PPP2R3A: variants seen among roughly 807,000 people sequenced by gnomAD.
PPP2R3A encodes the protein protein phosphatase 2 regulatory subunit B''alpha.
PPP2R3A carries 80 observed loss-of-function variants against 106.9 expected under a neutral mutation model. The ratio of observed to expected loss-of-function variants is 0.75; its 90% CI spans 0.62 to 0.90. The LOEUF (loss-of-function observed/expected upper bound fraction) is 0.90. PPP2R3A is among the 40% of genes least tolerant of loss of function. The pLI is 0.00. For missense variants in PPP2R3A, 1,386 were observed against 1,350.4 expected, an observed-to-expected ratio of 1.03 and a Z score of -0.41; for synonymous variants, 483 against 468.3, an observed-to-expected ratio of 1.03 and a Z score of -0.41.
At chr3:136,036,120 A>T (rs1339691118) in intron 3 of PPP2R3A, among the ~76,000 whole-genome samples, 1 of 150,956 alleles carries the variant, frequency 6.6e-6, no homozygotes, top group African/African-American at 2.4e-5. Flanking sequence ...TTTTCCCTTC[A>T]CTTGTATCAT....
intron 1 of PPP2R3A, among the ~76,000 whole-genome samples, chr3:135,967,749 T>C (rs1249446719): frequency 6.6e-6 from 1 of 152,120 alleles, no homozygotes; most frequent in Non-Finnish European, 1.5e-5. Context: ...AAAACAGATA[T>C]TTAAAAATCA....
intron 5 of PPP2R3A, among the ~76,000 whole-genome samples, chr3:136,054,427 T>G (rs1017997292): frequency 6.6e-6 from 1 of 151,988 alleles, no homozygotes; most frequent in Non-Finnish European, 1.5e-5. Flanking sequence ...CCCAGCTAAT[T>G]TTTGTATTAT....
At chr3:136,093,518 G>C (rs985002449) in intron 10 of PPP2R3A, among the ~76,000 whole-genome samples, 3 of 152,138 alleles carry the variant, frequency 2.0e-5, no homozygotes, top group Non-Finnish European at 4.4e-5. Context: ...ATATGATAAG[G>C]AACTTGTATC....
At chr3:136,071,961 A>G (rs911733006) in intron 6 of PPP2R3A, among the ~76,000 whole-genome samples, 1 of 151,992 alleles carries the variant, frequency 6.6e-6, no homozygotes, top group South Asian at 2.1e-4. Flanking sequence ...TTATTTAGTG[A>G]GGCCCTCCCT....
intron 1 of PPP2R3A, among the ~76,000 whole-genome samples, chr3:135,982,284 C>T (rs1387790177): frequency 6.6e-6 from 1 of 152,156 alleles, no homozygotes; most frequent in African/African-American, 2.4e-5. Flanking sequence ...TGTGCATCTA[C>T]TGGGTCATCG....
intron 5 of PPP2R3A, among the ~76,000 whole-genome samples, chr3:136,051,817 A>G (rs970887868): frequency 2.6e-5 from 4 of 152,172 alleles, no homozygotes; most frequent in South Asian, 2.1e-4. Context: ...CCACCCAACA[A>G]TAACCACTAC....
chr3:135,968,604 T>A (rs896079506), intron 1 of PPP2R3A, among the ~76,000 whole-genome samples: 2 of 152,008 alleles, frequency 1.3e-5, no homozygotes, highest in Non-Finnish European at 2.9e-5. Flanking sequence ...AGTCCAACAC[T>A]CTCATCAGAA....
chr3:136,147,676 G>T lies in PPP2R3A; in HGVS notation c.*2510G>T, dbSNP rs982388643. 2.6e-5 allele frequency: 4 copies of T among 152,362 alleles called. No homozygotes were observed. Among genetic ancestry groups the T allele is most frequent in the Non-Finnish European group, 2.9e-5 (2 of 68,026 alleles). The allele number at this position is 152,362 out of a possible 1,614,324, so 9.4% of individuals were successfully genotyped here. ...CCTTAATGCTAATTCAATGAGAAAT[G>T]AGTTTAATAGCATAACATTACCAAG... On this transcript the variant is annotated 3_prime_UTR_variant, in exon 14 of 14. Coordinates refer to ENST00000264977, the MANE Select transcript of PPP2R3A (RefSeq NM_002718.5).
chr3:135,972,049 G>T (rs1201561640), intron 1 of PPP2R3A, among the ~76,000 whole-genome samples: 1 of 152,124 alleles, frequency 6.6e-6, no homozygotes, highest in South Asian at 2.1e-4. Flanking sequence ...TCACAATGTT[G>T]TGCAGCCATC....
intron 4 of PPP2R3A, among the ~76,000 whole-genome samples, chr3:136,047,899 C>T (rs562839041): frequency 1.3e-5 from 2 of 149,690 alleles, no homozygotes; most frequent in Admixed American, 6.6e-5. Context: ...AGCGAGACTC[C>T]GTCTCAAAAA....
chr3:136,106,628 A>T, intron 13 of PPP2R3A: 1 of 297,040 alleles, frequency 3.4e-6, no homozygotes, highest in South Asian at 3.5e-5. Context: ...AGGCTAAAAG[A>T]ACTAAAGCTC....
intron 1 of PPP2R3A, among the ~76,000 whole-genome samples, chr3:135,995,514 G>GCACGAT (rs1933357050): frequency 6.8e-6 from 1 of 146,020 alleles, no homozygotes; most frequent in Non-Finnish European, 1.5e-5. Flanking sequence ...GAGTGCAATG[G>GCACGAT]CACGATCTCG....
chr3:136,010,575 C>G (rs1440759693), intron 2 of PPP2R3A, among the ~76,000 whole-genome samples: 1 of 151,404 alleles, frequency 6.6e-6, no homozygotes, highest in Non-Finnish European at 1.5e-5. Flanking sequence ...TACAGGCGCC[C>G]GCCACTACGC....
intron 12 of PPP2R3A, among the ~76,000 whole-genome samples, chr3:136,104,526 G>A (rs778832945): frequency 1.6e-4 from 24 of 152,064 alleles, no homozygotes; most frequent in Non-Finnish European, 2.8e-4. Context: ...GGCTGGTCTC[G>A]AACTCCCGAC....
intron 3 of PPP2R3A, among the ~76,000 whole-genome samples, chr3:136,027,943 T>C (rs1386055685): frequency 6.6e-6 from 1 of 152,186 alleles, no homozygotes; most frequent in Non-Finnish European, 1.5e-5. Flanking sequence ...TTCCCCTGCT[T>C]TCAGGAGTAA....
intron 2 of PPP2R3A, among the ~76,000 whole-genome samples, chr3:136,025,755 A>G (rs1488919223): frequency 6.6e-6 from 1 of 152,100 alleles, no homozygotes; most frequent in Non-Finnish European, 1.5e-5. Context: ...ATACCTATAC[A>G]ATGTATTTAG....
intron 4 of PPP2R3A, among the ~76,000 whole-genome samples, chr3:136,047,473 T>G (rs975257522): frequency 2.0e-5 from 3 of 152,214 alleles, no homozygotes; most frequent in Non-Finnish European, 4.4e-5. Flanking sequence ...TAAAAAAGAA[T>G]GAAGTCTTGT....
chr3:136,115,764 G>A (rs567081547), intron 13 of PPP2R3A, among the ~76,000 whole-genome samples: 25 of 152,156 alleles, frequency 1.6e-4, no homozygotes, highest in African/African-American at 4.1e-4. Context: ...CCAGATCTAC[G>A]TTTGATTGGT....
At chr3:136,133,187 T>G (rs1251273054) in intron 13 of PPP2R3A, among the ~76,000 whole-genome samples, 1 of 152,092 alleles carries the variant, frequency 6.6e-6, no homozygotes, top group East Asian at 1.9e-4. Flanking sequence ...TAAAAACGAT[T>G]GCTCTTCAGA....
Sources: allele counts gnomAD v4.1 joint callset (sites outside exome capture counted in the v4.1 genomes callset), GRCh38; gene constraint gnomAD v4.1.1; transcripts MANE v1.5; gene names NCBI Gene and HGNC (gene_info 2026-07-23, HGNC 2026-07-21).